The following OVCH1 variants were observed in gnomAD, a reference collection of about 807,000 sequenced individuals.
The protein encoded by OVCH1 is ovochymase 1, also known as ovochymase-1.
OVCH1 carries 139 observed loss-of-function variants against 138.4 expected under a neutral mutation model. That is an observed-to-expected ratio of 1.00 (90% CI 0.87 to 1.16). The LOEUF is 1.16. OVCH1 is among the 50% of genes most tolerant of loss of function. The probability of loss-of-function intolerance (pLI) is 0.00; values close to 1 mark genes in which losing one functional copy is unlikely to be tolerated. For missense variants in OVCH1, 1,367 were observed against 1,357.9 expected, an observed-to-expected ratio of 1.01 and a Z score of -0.11; for synonymous variants, 453 against 467.8, an observed-to-expected ratio of 0.97 and a Z score of 0.41.
At chr12:29,411,690 G>A (rs1362457726), downstream of OVCH1, among the ~76,000 whole-genome samples, 5 of 152,088 alleles carry the variant, frequency 3.3e-5, no homozygotes, top group Admixed American at 6.5e-5. Flanking sequence ...GTACCCGGCC[G>A]TGTGAAGTGT....
intron 3 of OVCH1, among the ~76,000 whole-genome samples, chr12:29,414,733 C>A (rs1941009199): frequency 1.3e-5 from 2 of 151,684 alleles, no homozygotes; most frequent in South Asian, 4.2e-4. Context: ...AATCCTAGAC[C>A]TGGAAAAAAA....
At chr12:29,412,830 A>T in intron 3 of OVCH1, 1 of 152,196 alleles carries the variant, frequency 6.6e-6, no homozygotes, top group African/African-American at 2.4e-5. Context: ...CTCTAGAAAT[A>T]GCTACTTTGA....
At chr12:29,447,114 CAAT>C (rs1236548891) in intron 22 of OVCH1, among the ~76,000 whole-genome samples, 4 of 151,506 alleles carry the variant, frequency 2.6e-5, no homozygotes, top group Admixed American at 1.3e-4. Context: ...GCTCATAAAG[CAAT>C]AAAAAGAATA....
At chr12:29,473,236 C>A in intron 14 of OVCH1, 133 bp from the exon 15 acceptor site, 1 of 600,684 alleles carries the variant, frequency 1.7e-6, no homozygotes, top group Non-Finnish European at 2.9e-6. Flanking sequence ...ACACTAGATG[C>A]CAGATCCCAG....
At chr12:29,455,475 C>G (rs988565663) in intron 19 of OVCH1, 70 bp from the exon 20 acceptor site, 17 of 1,452,126 alleles carry the variant, frequency 1.2e-5, no homozygotes, top group Non-Finnish European at 1.6e-5. Context: ...GTTTTTAGAA[C>G]AAGAATGACC....
downstream of OVCH1, among the ~76,000 whole-genome samples, chr12:29,424,858 A>C (rs1008351198): frequency 1.3e-5 from 2 of 152,224 alleles, no homozygotes; most frequent in African/African-American, 4.8e-5. Flanking sequence ...AGTATTATAC[A>C]TATTTGTTAA....
At chr12:29,438,483 T>C (rs147582300) in intron 26 of OVCH1, among the ~76,000 whole-genome samples, 181 of 152,298 alleles carry the variant, frequency 1.2e-3, no homozygotes, top group African/African-American at 4.1e-3. Context: ...AAAAATTCCA[T>C]TGGGATTTAG....
intron 22 of OVCH1, 146 bp downstream of exon 22, chr12:29,451,199 A>C (rs2135943178): frequency 2.3e-6 from 1 of 434,880 alleles, no homozygotes; most frequent in South Asian, 6.4e-5. Flanking sequence ...AGAAAATGTT[A>C]AGTGTGTTTA....
intron 22 of OVCH1, among the ~76,000 whole-genome samples, chr12:29,448,841 A>G (rs769811751): frequency 2.0e-5 from 3 of 152,262 alleles, no homozygotes; most frequent in South Asian, 2.1e-4. Context: ...TCTGACCTCT[A>G]TGCACTTCAG....
intron 4 of OVCH1, among the ~76,000 whole-genome samples, chr12:29,493,379 T>C (rs776730169): frequency 1.1e-4 from 16 of 152,174 alleles, no homozygotes; most frequent in Non-Finnish European, 1.9e-4. Flanking sequence ...AGATATATAA[T>C]TATTTTTTGT....
intron 26 of OVCH1, among the ~76,000 whole-genome samples, chr12:29,438,932 A>T (rs1425382178): frequency 6.6e-6 from 1 of 152,202 alleles, no homozygotes; most frequent in Non-Finnish European, 1.5e-5. Flanking sequence ...CTTAACCCTG[A>T]GGTGGTTGAG....
At chr12:29,493,586 G>T (rs1253913682) in intron 4 of OVCH1, among the ~76,000 whole-genome samples, 1 of 152,038 alleles carries the variant, frequency 6.6e-6, no homozygotes, top group Admixed American at 6.6e-5. Context: ...AATTATTTCA[G>T]ATTGTCTAGT....
chr12:29,464,791 T>A, intron 17 of OVCH1, 89 bp from the exon 18 acceptor site: 1 of 1,146,278 alleles, frequency 8.7e-7, no homozygotes, highest in South Asian at 1.5e-5. Context: ...TAATCCTAAA[T>A]TTCTGCACTT....
At chr12:29,481,584 C>T (rs1942935879) in intron 8 of OVCH1, among the ~76,000 whole-genome samples, 1 of 152,074 alleles carries the variant, frequency 6.6e-6, no homozygotes, top group Non-Finnish European at 1.5e-5. Flanking sequence ...TGTTGCTTTC[C>T]CAGAAAAGGA....
chr12:29,467,910 G>A (rs1015380071), intron 16 of OVCH1, among the ~76,000 whole-genome samples: 3 of 152,144 alleles, frequency 2.0e-5, no homozygotes, highest in South Asian at 2.1e-4. Context: ...GGCAGGGCAC[G>A]TGTAGGACAT....
In OVCH1 at chr12:29,496,280, T is replaced by G. The variant is rs200714385; in HGVS notation, c.184-2A>C. ...GTGCTCATCTGATTTTAGGGAGACC[T>G]ACCCAAGAAGAAAGTTACAAATGCA... is the stretch of plus-strand genomic sequence containing the variant. On this transcript the variant is annotated splice_acceptor_variant, in intron 2 of 27. Transcript: ENST00000318184. LOFTEE classifies it high-confidence loss of function. 9 of 1,595,910 alleles carry G rather than the reference T, an allele frequency of 5.6e-6. No homozygotes were observed. Among genetic ancestry groups the G allele is most frequent in the Non-Finnish European group, 7.7e-6 (9 of 1,170,038 alleles).
intron 21 of OVCH1, among the ~76,000 whole-genome samples, chr12:29,454,052 C>T (rs1454127992): frequency 6.6e-6 from 1 of 152,106 alleles, no homozygotes; most frequent in Non-Finnish European, 1.5e-5. Context: ...ATTCCACAGG[C>T]TCCGATCTCC....
At chr12:29,421,125 T>G (rs1041771062) in intron 3 of OVCH1, among the ~76,000 whole-genome samples, 1 of 152,204 alleles carries the variant, frequency 6.6e-6, no homozygotes, top group Non-Finnish European at 1.5e-5. Context: ...TGCTGCAGAC[T>G]AACTAGCCAG....
exon 20 of OVCH1, chr12:29,455,370 T>C: frequency 6.2e-7 from 1 of 1,613,590 alleles, no homozygotes; most frequent in Middle Eastern, 1.6e-4. Flanking sequence ...AGGGACCATT[T>C]TCATGTCTAC....
Sources: gnomAD v4.1 joint callset for allele counts (sites outside exome capture counted in the v4.1 genomes callset) on GRCh38, gnomAD v4.1.1 for gene constraint, MANE v1.5 for transcripts, NCBI Gene and HGNC (gene_info 2026-07-23, HGNC 2026-07-21) for gene names.